Variants in ENTREP2 observed in about 807,000 individuals in gnomAD.
ENTREP2 encodes endosomal transmembrane epsin interactor 2.
the ENTREP2 span, among the ~76,000 whole-genome samples, chr15:29,392,505 T>G: frequency 2.6e-5 from 4 of 152,196 alleles, no homozygotes; most frequent in Non-Finnish European, 1.5e-5. Flanking sequence ...GTTGCATCTC[T>G]CAACAGTTTG....
chr15:29,440,787 T>C, the ENTREP2 span, among the ~76,000 whole-genome samples: 1 of 152,132 alleles, frequency 6.6e-6, no homozygotes, highest in African/African-American at 2.4e-5. Context: ...CCAGCACCAC[T>C]GGCTCCTCCA....
the ENTREP2 span, among the ~76,000 whole-genome samples, chr15:29,224,939 C>T: frequency 6.6e-5 from 10 of 152,280 alleles, no homozygotes; most frequent in South Asian, 1.7e-3. Flanking sequence ...CCCTGCCCCG[C>T]GGGAAGGCAG....
the ENTREP2 span, among the ~76,000 whole-genome samples, chr15:29,431,365 A>G: frequency 6.6e-6 from 1 of 152,154 alleles, no homozygotes; most frequent in Non-Finnish European, 1.5e-5. Context: ...GTCTGCTTGG[A>G]GTAGGATCCA....
At chr15:29,225,081 C>G in the ENTREP2 span, among the ~76,000 whole-genome samples, 1 of 152,238 alleles carries the variant, frequency 6.6e-6, no homozygotes, top group Admixed American at 6.5e-5. Flanking sequence ...AGAACTCACG[C>G]TGGCCCGCAA....
the ENTREP2 span, among the ~76,000 whole-genome samples, chr15:29,420,774 C>T: frequency 6.6e-6 from 1 of 152,222 alleles, no homozygotes; most frequent in South Asian, 2.1e-4. Context: ...CAGCCCTGCA[C>T]CCTAGCAGAA....
the ENTREP2 span, among the ~76,000 whole-genome samples, chr15:29,255,758 T>C: frequency 6.6e-6 from 1 of 151,820 alleles, no homozygotes; most frequent in East Asian, 1.9e-4. Context: ...TCCCAGCACT[T>C]TGGGGGGTCG....
chr15:29,493,484 A>G, the ENTREP2 span, among the ~76,000 whole-genome samples: 1 of 152,238 alleles, frequency 6.6e-6, no homozygotes, highest in South Asian at 2.1e-4. Flanking sequence ...TGAGGCAAAC[A>G]GCACGCTTAA....
chr15:29,235,643 G>A, the ENTREP2 span, among the ~76,000 whole-genome samples: 1 of 152,180 alleles, frequency 6.6e-6, no homozygotes, highest in Admixed American at 6.6e-5. Context: ...TCTTAAAACA[G>A]TAAGCTAATT....
the ENTREP2 span, among the ~76,000 whole-genome samples, chr15:29,371,311 T>G: frequency 6.8e-6 from 1 of 147,654 alleles, no homozygotes; most frequent in African/African-American, 2.6e-5. Flanking sequence ...TTAGGAAAGG[T>G]AAACTGTGCC....
At chr15:29,447,308 C>T in the ENTREP2 span, among the ~76,000 whole-genome samples, 1 of 152,170 alleles carries the variant, frequency 6.6e-6, no homozygotes, top group Non-Finnish European at 1.5e-5. Context: ...TGAGAACAGG[C>T]CCCTTCTACC....
chr15:29,670,975 G>A, the ENTREP2 span, among the ~76,000 whole-genome samples: 1 of 152,212 alleles, frequency 6.6e-6, no homozygotes, highest in East Asian at 1.9e-4. Flanking sequence ...GTCCCAGAAA[G>A]ACCAAGGCAG....
At chr15:29,138,701 G>A in the ENTREP2 span, among the ~76,000 whole-genome samples, 2 of 80,922 alleles carry the variant, frequency 2.5e-5, no homozygotes, top group African/African-American at 1.7e-4. Context: ...GTGTGTGTAT[G>A]CGTGTGTGTG....
the ENTREP2 span, among the ~76,000 whole-genome samples, chr15:29,489,831 C>T: frequency 3.9e-5 from 6 of 152,176 alleles, no homozygotes; most frequent in Admixed American, 1.3e-4. Flanking sequence ...CAGGCCATGA[C>T]GGCGCAGTTC....
the ENTREP2 span, among the ~76,000 whole-genome samples, chr15:29,207,394 G>C: frequency 2.1e-5 from 3 of 140,944 alleles, no homozygotes; most frequent in Admixed American, 7.6e-5. Context: ...AGTTTATTAC[G>C]AAGAGCAAGA....
the ENTREP2 span, among the ~76,000 whole-genome samples, chr15:29,623,518 A>T: frequency 6.6e-6 from 1 of 152,172 alleles, no homozygotes; most frequent in African/African-American, 2.4e-5. Context: ...AACCCAGGCA[A>T]TCTGGGTTTA....
chr15:29,410,945 C>G, the ENTREP2 span, among the ~76,000 whole-genome samples: 4 of 152,104 alleles, frequency 2.6e-5, no homozygotes, highest in Non-Finnish European at 4.4e-5. Flanking sequence ...GCCACCGCGC[C>G]CAGCTAATTT....
chr15:29,172,117 T>C, the ENTREP2 span, among the ~76,000 whole-genome samples: 2 of 152,162 alleles, frequency 1.3e-5, no homozygotes, highest in Non-Finnish European at 2.9e-5. Flanking sequence ...GGAAGCCAAC[T>C]AGATTTGAGC....
chr15:29,323,571 G>A, the ENTREP2 span, among the ~76,000 whole-genome samples: 1 of 152,088 alleles, frequency 6.6e-6, no homozygotes, highest in Non-Finnish European at 1.5e-5. Flanking sequence ...CAAACCCAAA[G>A]AGAAGGCTGT....
chr15:29,556,768 C>CG, the ENTREP2 span, among the ~76,000 whole-genome samples: 8 of 115,116 alleles, frequency 6.9e-5, no homozygotes, highest in African/African-American at 1.4e-4. Flanking sequence ...AGGTGCCCCC[C>CG]CCCCGCCCCA....
Sources: allele counts gnomAD v4.1 joint callset (sites outside exome capture counted in the v4.1 genomes callset), GRCh38; gene constraint gnomAD v4.1.1; transcripts MANE v1.5; gene names NCBI Gene and HGNC (gene_info 2026-07-23, HGNC 2026-07-21).